EZH1: variants seen among roughly 807,000 people sequenced by gnomAD.
EZH1 encodes enhancer of zeste 1 polycomb repressive complex 2 subunit.
EZH1 carries 33 observed loss-of-function variants against 100.5 expected under a neutral mutation model. The ratio of observed to expected loss-of-function variants is 0.33; its 90% CI spans 0.25 to 0.44. The LOEUF is 0.44. Ranked by LOEUF, EZH1 falls within the 20% of genes least tolerant of loss-of-function variation. The pLI is 1.00. For synonymous variants in EZH1, 272 were observed against 313.8 expected, an observed-to-expected ratio of 0.87 and a Z score of 1.41; for missense variants, 475 against 928.4, an observed-to-expected ratio of 0.51 and a Z score of 6.35.
intron 4 of EZH1, among the ~76,000 whole-genome samples, chr17:42,726,333 G>A (rs1448050069): frequency 6.6e-6 from 1 of 150,934 alleles, no homozygotes; most frequent in Non-Finnish European, 1.5e-5. Flanking sequence ...CCGAGTAGCT[G>A]GGATTATAGG....
At chr17:42,717,754 G>C (rs998739224) in intron 10 of EZH1, among the ~76,000 whole-genome samples, 7 of 152,186 alleles carry the variant, frequency 4.6e-5, no homozygotes, top group African/African-American at 1.7e-4. Context: ...GAGCAGGCAA[G>C]CCTTTAATGA....
chr17:42,726,518 CTT>C (rs1383439065), intron 4 of EZH1, among the ~76,000 whole-genome samples: 1 of 150,002 alleles, frequency 6.7e-6, no homozygotes, highest in Non-Finnish European at 1.5e-5. Context: ...CATAAAGTTT[CTT>C]TTTTTTTGGA....
chr17:42,720,717 T>C (rs1235392215), intron 6 of EZH1, among the ~76,000 whole-genome samples: 1 of 152,158 alleles, frequency 6.6e-6, no homozygotes, highest in South Asian at 2.1e-4. Context: ...TGGAGTGCAA[T>C]GGCGCGATCT....
At position 42,716,726 on chromosome 17, in the gene EZH1, T is replaced by C. The variant is rs1227678488; in HGVS notation, c.1023+1250A>G. On this transcript the variant is annotated intron_variant, in intron 10 of 20. Transcript: ENST00000428826. ...TTATTATTTTTTTTTTGAGATGGAGTCTCACTATCTCACCCAGGCTGGAGT... is the reference window on the plus strand; with the variant it reads ...TTATTATTTTTTTTTTGAGATGGAGCCTCACTATCTCACCCAGGCTGGAGT... Among the ~76,000 whole-genome samples, 13 of 151,754 alleles carry C rather than the reference T, an allele frequency of 8.6e-5. No homozygotes were observed. In the East Asian group the frequency reaches 2.3e-3, roughly 27 times the overall value.
chr17:42,704,397 C>T (rs763082634), intron 18 of EZH1, among the ~76,000 whole-genome samples: 7 of 151,916 alleles, frequency 4.6e-5, no homozygotes, highest in Admixed American at 2.0e-4. Flanking sequence ...AAATATTAGC[C>T]GGGCATGGTG....
chr17:42,739,232 G>A (rs1422528745), intron 1 of EZH1, among the ~76,000 whole-genome samples: 1 of 152,006 alleles, frequency 6.6e-6, no homozygotes, highest in Non-Finnish European at 1.5e-5. Context: ...CTGTGACTAG[G>A]TACACAGCCT....
In EZH1 at chr17:42,718,613, G is replaced by A. The variant is rs751414770; in HGVS notation, c.772C>T (p.Arg258Ter). The change falls in exon 9 of 21, where the codon CGA becomes TGA. Residue 258 changes from arginine (R) to a stop codon, truncating the protein, a stop_gained. Coordinates refer to ENST00000428826, the MANE Select transcript of EZH1 (RefSeq NM_001991.5). LOFTEE classifies it high-confidence loss of function. The surrounding 1 kb of genome is among the most constrained non-coding windows in gnomAD (Gnocchi z 4.2). ...GGGTCTGACATCTCTGTTAGTTCTC[G>A]ATACCTATTTAAGAAAAGAGAGATA... Reference protein sequence around the residue: ...GVPDDMKERYRELTEMSDPNA... With the variant: ...GVPDDMKERY The A allele has an allele frequency of 2.5e-6, 4 of 1,614,100 alleles. No homozygotes were observed. Among genetic ancestry groups the A allele is most frequent in the Non-Finnish European group, 3.4e-6 (4 of 1,179,992 alleles).
chr17:42,702,714 T>C (rs1248055791), intron 20 of EZH1, 122 bp from the exon 21 acceptor site: 1 of 1,286,868 alleles, frequency 7.8e-7, no homozygotes, highest in African/African-American at 1.5e-5. Context: ...ATGGTCCCAC[T>C]TCTGAGGCAA....
rs2053417662 is a variant in EZH1 at position 42,708,906 on chromosome 17, C to A, written c.1504G>T (p.Ala502Ser). The A allele has an allele frequency of 6.2e-7, 1 of 1,614,152 alleles. No individual in the cohort carries two copies. The highest frequency in any genetic ancestry group is 8.5e-7 in the Non-Finnish European group (1 of 1,180,028). Residue 502 changes from alanine (A) to serine (S), a missense_variant, in exon 14 of 21, where the codon GCA (alanine) becomes TCA (serine). Physicochemically the swap from Ala to Ser is moderately conservative, Grantham distance 99 (BLOSUM62 1). Coordinates refer to ENST00000428826, the MANE Select transcript of EZH1 (RefSeq NM_001991.5). Reference protein sequence around the residue: ...KKKRKHRLWAAHCRKIQLKKD... With the variant: ...KKKRKHRLWASHCRKIQLKKD... ...TTCAGCTGAATCTTCCTGCAGTGTG[C>A]AGCCCACAATCTGAAAAAGACAGGA...
Position 42,729,925 on chromosome 17 carries a change from C to G in EZH1, c.-12+903G>C, listed in dbSNP as rs944330945. Among the ~76,000 whole-genome samples the G allele has an allele frequency of 4.6e-5, 7 of 150,722 alleles. No individual in the cohort carries two copies. In the South Asian group the frequency reaches 1.5e-3, roughly 32 times the overall value. On this transcript the variant is annotated intron_variant, in intron 2 of 20. Coordinates refer to ENST00000428826, the MANE Select transcript of EZH1 (RefSeq NM_001991.5). ...TGGTGGCACACGCCTATAATCCCAG[C>G]TACTCAGGTGGCTGAGGCAGGAGAA...
At chr17:42,725,274 CT>C (rs891372461) in intron 4 of EZH1, among the ~76,000 whole-genome samples, 309 of 144,884 alleles carry the variant, frequency 2.1e-3, no homozygotes, top group Admixed American at 2.3e-3. Context: ...AGTAGAAACT[CT>C]TTTTTTTTTT....
At chr17:42,722,747 G>C (rs1261850678) in intron 6 of EZH1, 48 bp downstream of exon 6, 1 of 1,587,214 alleles carries the variant, frequency 6.3e-7, no homozygotes, top group African/African-American at 1.4e-5. Context: ...TACCAAAGAA[G>C]AGGCCTGATT....
At chr17:42,733,046 A>AG (rs1469123866) in intron 1 of EZH1, among the ~76,000 whole-genome samples, 4 of 151,152 alleles carry the variant, frequency 2.6e-5, no homozygotes, top group African/African-American at 7.3e-5. Context: ...AAAAAAAAAA[A>AG]AAAAGAAAAA....
intron 17 of EZH1, 123 bp downstream of exon 17, chr17:42,704,965 G>C (rs2053322526): frequency 4.8e-6 from 4 of 839,308 alleles, no homozygotes; most frequent in Middle Eastern, 2.3e-4. Context: ...CTCCCCAAGA[G>C]GCCACGTGAG....
Position 42,732,666 on chromosome 17 carries a change from G to A in EZH1, c.-102-1748C>T, listed in dbSNP as rs549163268. Reference sequence around the variant, plus strand: ...GCCTGTAGTCCCAGCTACTTGGGAGGCTGAGCCAGGAGAATGGCGTGAACC... The same window carrying A: ...GCCTGTAGTCCCAGCTACTTGGGAGACTGAGCCAGGAGAATGGCGTGAACC... On this transcript the variant is annotated intron_variant, in intron 1 of 20. Coordinates refer to ENST00000428826, the MANE Select transcript of EZH1 (RefSeq NM_001991.5). 1.6e-4 allele frequency among the ~76,000 whole-genome samples: 25 copies of A among 152,324 alleles called. No homozygotes were observed. In the South Asian group the frequency reaches 4.4e-3, roughly 27 times the overall value.
At position 42,718,166 on chromosome 17, in the gene EZH1, C is replaced by G. The variant is rs1369206208; in HGVS notation, c.932-99G>C. ...GAGAGCTATTGTAGGAGTTAGAATT[C>G]GATATAAACGGCTACCATCAGGGTG... On this transcript the variant is annotated intron_variant, in intron 9 of 20. Transcript: ENST00000428826. The surrounding 1 kb of genome is among the most constrained non-coding windows in gnomAD (Gnocchi z 4.2). 1.6e-5 allele frequency: 17 copies of G among 1,092,046 alleles called. No homozygotes were observed. The South Asian group carries it at 2.2e-4, about 14-fold the overall frequency. 67.6% of individuals were successfully genotyped at this position (1,092,046 alleles called of 1,614,324 possible).
intron 1 of EZH1, among the ~76,000 whole-genome samples, chr17:42,741,649 C>A (rs992456766): frequency 1.2e-4 from 18 of 152,154 alleles, no homozygotes; most frequent in Non-Finnish European, 1.9e-4. Context: ...AGGTTTCAGA[C>A]CCTAGGAATT....
chr17:42,742,141 CTTTT>C (rs781134584), intron 1 of EZH1, among the ~76,000 whole-genome samples: 2 of 141,166 alleles, frequency 1.4e-5, no homozygotes, highest in Non-Finnish European at 3.1e-5. Context: ...TGCTGTCTCT[CTTTT>C]TTTTTTTTTT....
At chr17:42,722,758 C>T in intron 6 of EZH1, 37 bp downstream of exon 6, 1 of 1,600,638 alleles carries the variant, frequency 6.2e-7, no homozygotes, top group East Asian at 2.2e-5. Flanking sequence ...AGGCCTGATT[C>T]TAACAAAATT....
Sources: gnomAD v4.1 joint callset for allele counts (sites outside exome capture counted in the v4.1 genomes callset) on GRCh38, gnomAD v4.1.1 for gene constraint, Gnocchi (gnomAD v3.1) non-coding constraint, MANE v1.5 for transcripts, NCBI Gene and HGNC (gene_info 2026-07-23, HGNC 2026-07-21) for gene names.